The following RFX3 variants were observed in gnomAD, a reference collection of about 807,000 sequenced individuals.
RFX3 encodes transcription factor RFX3.
Under a neutral mutation model 98.6 loss-of-function variants are expected in RFX3, and 14 were observed. That is an observed-to-expected ratio of 0.14 (90% CI 0.09 to 0.22). The LOEUF is 0.22. Ranked by LOEUF, RFX3 falls within the 10% of genes least tolerant of loss-of-function variation. The pLI, the probability that RFX3 is intolerant of heterozygous loss-of-function variation, is 1.00. For synonymous variants in RFX3, 383 were observed against 328.4 expected, an observed-to-expected ratio of 1.17 and a Z score of -1.80; for missense variants, 639 against 926.9, an observed-to-expected ratio of 0.69 and a Z score of 4.03.
intron 1 of RFX3, among the ~76,000 whole-genome samples, chr9:3,524,939 A>T (rs1168620071): frequency 6.7e-6 from 1 of 148,944 alleles, no homozygotes; most frequent in Non-Finnish European, 1.5e-5. Context: ...TACAGCAAAG[A>T]GGGCCCAACG....
At chr9:3,294,286 T>C (rs1448818504) in intron 5 of RFX3, among the ~76,000 whole-genome samples, 1 of 152,138 alleles carries the variant, frequency 6.6e-6, no homozygotes, top group Non-Finnish European at 1.5e-5. Flanking sequence ...AAGCAGTAAA[T>C]ATTTCACATT....
At chr9:3,467,129 A>AGTCTATATGTATATACATATATATTAT (rs1848337646) in intron 1 of RFX3, among the ~76,000 whole-genome samples, 1 of 131,648 alleles carries the variant, frequency 7.6e-6, no homozygotes, top group Non-Finnish European at 1.5e-5. Context: ...CATATATGTA[A>AGTCTATATGTATATACATATATATTAT]GTATATATGT....
At chr9:3,387,538 T>C (rs951767662) in intron 2 of RFX3, among the ~76,000 whole-genome samples, 3 of 152,108 alleles carry the variant, frequency 2.0e-5, no homozygotes, top group African/African-American at 7.2e-5. Context: ...AGCATGGTCC[T>C]CCAAAACACC....
chr9:3,224,865 G>T lies in RFX3; in HGVS notation c.*177C>A. ...ATTAAGAAGCAAATAATTTGTTTAC[G>T]TTAAAAAAAAAGATCTGGCAAAATA... On this transcript the variant is annotated 3_prime_UTR_variant, in exon 17 of 17. Coordinates refer to ENST00000617270, the MANE Select transcript of RFX3 (RefSeq NM_001282116.2). 1 of 532,838 alleles carries T rather than the reference G, an allele frequency of 1.9e-6. No homozygotes were observed. Among genetic ancestry groups the T allele is most frequent in the Non-Finnish European group, 3.2e-6 (1 of 314,244 alleles). 33.0% of individuals were successfully genotyped at this position (532,838 alleles called of 1,614,324 possible). A position where few individuals can be genotyped will look rare whatever the true frequency, so the allele number is the denominator to read the frequency against.
At chr9:3,450,252 A>G (rs1162181640) in intron 1 of RFX3, among the ~76,000 whole-genome samples, 1 of 152,248 alleles carries the variant, frequency 6.6e-6, no homozygotes, top group Non-Finnish European at 1.5e-5. Context: ...ATGTGAAAAT[A>G]CCTCAGATTA....
intron 6 of RFX3, among the ~76,000 whole-genome samples, chr9:3,288,832 C>G (rs775043297): frequency 6.6e-6 from 1 of 151,956 alleles, no homozygotes; most frequent in African/African-American, 2.4e-5. Flanking sequence ...AGAAAGTAAG[C>G]CTTTAATCTG....
intron 15 of RFX3, among the ~76,000 whole-genome samples, chr9:3,243,111 T>C (rs1157148211): frequency 1.3e-5 from 2 of 151,982 alleles, no homozygotes; most frequent in African/African-American, 4.8e-5. Context: ...TTCTGCTCAA[T>C]TTGTCTGGTC....
chr9:3,329,407 C>CAAAAAAAAAAAAAAAAAAGA (rs1832312541), intron 4 of RFX3, among the ~76,000 whole-genome samples: 1 of 38,166 alleles, frequency 2.6e-5, no homozygotes, highest in Non-Finnish European at 4.7e-5. Flanking sequence ...GACTTCATCT[C>CAAAAAAAAAAAAAAAAAAGA]AAAAAAAAAA....
At chr9:3,516,360 T>C (rs920113950) in intron 1 of RFX3, among the ~76,000 whole-genome samples, 7 of 152,184 alleles carry the variant, frequency 4.6e-5, no homozygotes, top group African/African-American at 1.7e-4. Flanking sequence ...AACTAAAAAT[T>C]TTTTAAAATT....
rs146079360 is a variant in RFX3, at chr9:3,498,228, T to A, written c.-9+27519A>T. Among the ~76,000 whole-genome samples, 694 of 152,158 alleles carry A rather than the reference T, an allele frequency of 4.6e-3. 6 individuals carry two copies. The highest frequency in any genetic ancestry group is 0.016 in the African/African-American group (676 of 41,552). On this transcript the variant is annotated intron_variant, in intron 1 of 16. Coordinates refer to ENST00000617270, the MANE Select transcript of RFX3 (RefSeq NM_001282116.2). ...CACTCTTAGGAATATCACCGATACTTTTACTGTCGCTGTAAAGGATTATAT... is the reference window on the plus strand; with the variant it reads ...CACTCTTAGGAATATCACCGATACTATTACTGTCGCTGTAAAGGATTATAT...
chr9:3,453,523 C>G (rs142512550), intron 1 of RFX3: 1 of 151,482 alleles, frequency 6.6e-6, no homozygotes, highest in Non-Finnish European at 1.5e-5. Context: ...CAGCATGGCC[C>G]ACATGGTGAA....
chr9:3,311,594 G>A (rs1448440017), intron 4 of RFX3, among the ~76,000 whole-genome samples: 1 of 152,164 alleles, frequency 6.6e-6, no homozygotes, highest in Non-Finnish European at 1.5e-5. Flanking sequence ...TGTTAGAAAT[G>A]CTAAACAAGA....
intron 9 of RFX3, among the ~76,000 whole-genome samples, chr9:3,275,116 C>T (rs918069715): frequency 4.0e-5 from 6 of 151,476 alleles, no homozygotes; most frequent in African/African-American, 1.5e-4. Flanking sequence ...ATTTATGCAG[C>T]TCCCTACTAG....
chr9:3,382,139 C>T (rs879841861), intron 2 of RFX3, among the ~76,000 whole-genome samples: 1 of 152,132 alleles, frequency 6.6e-6, no homozygotes, highest in African/African-American at 2.4e-5. Context: ...CTTCAGTGAT[C>T]TTCCTGCTAA....
intron 4 of RFX3, among the ~76,000 whole-genome samples, chr9:3,326,900 C>A (rs1303435730): frequency 1.3e-5 from 2 of 152,092 alleles, no homozygotes; most frequent in Non-Finnish European, 2.9e-5. Flanking sequence ...CTGATAGCCC[C>A]CTAAGGAGTG....
intron 1 of RFX3, among the ~76,000 whole-genome samples, chr9:3,474,411 T>C (rs554240756): frequency 6.6e-6 from 1 of 152,340 alleles, no homozygotes; most frequent in East Asian, 1.9e-4. Flanking sequence ...ATACAGACTA[T>C]GAAAGTACCA....
intron 4 of RFX3, chr9:3,324,108 G>C (rs977861135): frequency 2.5e-6 from 1 of 395,936 alleles, no homozygotes; most frequent in South Asian, 2.0e-5. Context: ...AGGGAAAAAG[G>C]GACACAGGAA....
intron 1 of RFX3, among the ~76,000 whole-genome samples, chr9:3,464,349 A>G (rs1207961071): frequency 6.6e-6 from 1 of 152,258 alleles, no homozygotes; most frequent in Non-Finnish European, 1.5e-5. Flanking sequence ...TGTTTGTATA[A>G]CTGTTTTATT....
At chr9:3,389,561 T>C (rs999248736) in intron 2 of RFX3, among the ~76,000 whole-genome samples, 3 of 152,138 alleles carry the variant, frequency 2.0e-5, no homozygotes, top group African/African-American at 4.8e-5. Flanking sequence ...GCATTTCAGA[T>C]TGAGTATCCC....
Sources: allele counts gnomAD v4.1 joint callset (sites outside exome capture counted in the v4.1 genomes callset), GRCh38; gene constraint gnomAD v4.1.1; transcripts MANE v1.5; gene names NCBI Gene and HGNC (gene_info 2026-07-23, HGNC 2026-07-21).